Variants in ATG2B observed in about 807,000 individuals in gnomAD.
The protein encoded by ATG2B is autophagy related 2B.
A neutral mutation model predicts 241.3 loss-of-function variants in ATG2B; 121 were observed. The observed-to-expected ratio is 0.50, with a 90% CI of 0.43 to 0.58. ATG2B has a LOEUF of 0.58. Ranked by LOEUF, ATG2B falls within the 20% of genes least tolerant of loss-of-function variation. ATG2B has a pLI of 0.00. For missense variants in ATG2B, 2,306 were observed against 2,491.6 expected, an observed-to-expected ratio of 0.93 and a Z score of 1.59; for synonymous variants, 858 against 876.6, an observed-to-expected ratio of 0.98 and a Z score of 0.37.
chr14:96,314,152 G>T, intron 23 of ATG2B, among the ~76,000 whole-genome samples: 1 of 152,182 alleles, frequency 6.6e-6, no homozygotes, highest in Non-Finnish European at 1.5e-5. Context: ...CAGATAGAAA[G>T]TCAGACAGAT....
intron 1 of ATG2B, among the ~76,000 whole-genome samples, chr14:96,351,669 G>T (rs1254543318): frequency 2.6e-5 from 4 of 151,470 alleles, no homozygotes; most frequent in African/African-American, 9.7e-5. Context: ...CCGGGAGGCG[G>T]AAGTTACCGT....
At chr14:96,343,954 T>C (rs906172284) in intron 4 of ATG2B, among the ~76,000 whole-genome samples, 2 of 152,236 alleles carry the variant, frequency 1.3e-5, no homozygotes, top group African/African-American at 2.4e-5. Flanking sequence ...CCCCAGTAGA[T>C]CCATGTACGA....
intron 36 of ATG2B, among the ~76,000 whole-genome samples, chr14:96,292,439 T>C (rs1255255168): frequency 6.6e-6 from 1 of 152,164 alleles, no homozygotes; most frequent in Non-Finnish European, 1.5e-5. Flanking sequence ...CTTACAAAAA[T>C]TTATTCTTAT....
intron 1 of ATG2B, among the ~76,000 whole-genome samples, chr14:96,349,922 C>T (rs1039802711): frequency 6.6e-6 from 1 of 152,216 alleles, no homozygotes. Context: ...CACTGGGAAG[C>T]CAAGGCGGGA....
chr14:96,320,484 G>A (rs1887430978), intron 18 of ATG2B, among the ~76,000 whole-genome samples: 1 of 150,998 alleles, frequency 6.6e-6, no homozygotes, highest in Non-Finnish European at 1.5e-5. Context: ...TACACTTTAT[G>A]CAAAAAAAAG....
At chr14:96,286,982 G>A (rs1283192144) in intron 41 of ATG2B, among the ~76,000 whole-genome samples, 2 of 152,186 alleles carry the variant, frequency 1.3e-5, no homozygotes, top group African/African-American at 4.8e-5. Context: ...AAGGCCGGGC[G>A]CGGTGGCTCA....
At position 96,295,630 on chromosome 14, in the gene ATG2B, G is replaced by T. The variant is rs1886618200; in HGVS notation, c.5140-70C>A. The stretch of plus-strand genomic sequence containing the variant: ...CCTATTTCTAAAACTATGAAACAAA[G>T]TATCTTAAACTCATATATTTTACTC... On this transcript the variant is annotated intron_variant, in intron 34 of 41. Transcript: ENST00000359933. 5.9e-6 allele frequency: 6 copies of T among 1,018,570 alleles called. No individual in the cohort carries two copies. The East Asian group carries it at 1.3e-4, about 22-fold the overall frequency. The allele number at this position is 1,018,570 out of a possible 1,614,324, so 63.1% of individuals were successfully genotyped here.
chr14:96,337,133 G>C (rs1170395387), intron 6 of ATG2B, among the ~76,000 whole-genome samples: 1 of 152,172 alleles, frequency 6.6e-6, no homozygotes, highest in Non-Finnish European at 1.5e-5. Context: ...CCAAGGCAAA[G>C]ATTGTATCTG....
chr14:96,351,711 G>A (rs1888326314), intron 1 of ATG2B, among the ~76,000 whole-genome samples: 1 of 150,412 alleles, frequency 6.6e-6, no homozygotes, highest in African/African-American at 2.5e-5. Context: ...ACTCCAGCCT[G>A]GGCGGCAGAG....
chr14:96,315,142 C>T lies in ATG2B; in HGVS notation c.3642+12G>A. 6.2e-7 allele frequency: 1 copy of T among 1,607,078 alleles called. No individual in the cohort carries two copies. Among genetic ancestry groups the T allele is most frequent in the Non-Finnish European group, 8.5e-7 (1 of 1,174,160 alleles). ...TTTAAATAAATTAATACATATATAA[C>T]AGCTCTCTTACCTGCTCATGCCAGC... is the stretch of plus-strand genomic sequence containing the variant. On this transcript the variant is annotated intron_variant, in intron 23 of 41. Coordinates refer to ENST00000359933, the MANE Select transcript of ATG2B (RefSeq NM_018036.7).
intron 34 of ATG2B, among the ~76,000 whole-genome samples, chr14:96,301,053 T>G (rs950960822): frequency 5.3e-5 from 8 of 152,238 alleles, no homozygotes; most frequent in Non-Finnish European, 1.0e-4. Context: ...GGTTTTGTTA[T>G]TTCACAGCAG....
At chr14:96,333,597 C>T in intron 8 of ATG2B, 91 bp downstream of exon 8, 13 of 1,215,998 alleles carry the variant, frequency 1.1e-5, no homozygotes, top group South Asian at 3.1e-5. Flanking sequence ...TCTTTCATTC[C>T]TAAACTTCTG....
chr14:96,311,242 T>G lies in ATG2B; in HGVS notation c.4036A>C (p.Ile1346Leu). 1 of 1,614,026 alleles carries G rather than the reference T, an allele frequency of 6.2e-7. No homozygotes were observed. The highest frequency in any genetic ancestry group is 8.5e-7 in the Non-Finnish European group (1 of 1,179,936). ...GCACAAGAGTCTGAGCACGTTCTGA[T>G]ATGGACAACATCGCTGGAACAGTGT... ...ELHCSSDVVHIRTCSDSCAAL... is the reference protein window; with the variant it reads ...ELHCSSDVVHLRTCSDSCAAL... Residue 1346 changes from isoleucine (I) to leucine (L), a missense_variant, in exon 28 of 42, where the codon ATC becomes CTC. Physicochemically the swap from Ile to Leu is conservative, Grantham distance 5. Transcript: ENST00000359933.
Position 96,281,953 on chromosome 14 carries a change from C to T in ATG2B, c.*3802G>A, listed in dbSNP as rs1029625216. On this transcript the variant is annotated 3_prime_UTR_variant, in exon 42 of 42. Transcript: ENST00000359933. ...GGATGCTTTTTGTATCTCTGATATG[C>T]AGGCACTATAATGGGGGGAAATACT... 4 of 152,166 alleles carry T rather than the reference C, an allele frequency of 2.6e-5. No homozygotes were observed. Among genetic ancestry groups the T allele is most frequent in the Non-Finnish European group, 5.9e-5 (4 of 68,032 alleles). The allele number at this position is 152,166 out of a possible 1,614,324, so 9.4% of individuals were successfully genotyped here.
chr14:96,289,647 T>C lies in ATG2B; in HGVS notation c.6006+9A>G, dbSNP rs540748828. 1 of 1,613,956 alleles carries C rather than the reference T, an allele frequency of 6.2e-7. No homozygotes were observed. The highest frequency in any genetic ancestry group is 1.1e-5 in the South Asian group (1 of 91,038). ...GGGTTCTGATGTGTCCACCCAAGTA[T>C]TCAGTTACCTCTTTCACAACACTGT... On this transcript the variant is annotated intron_variant, in intron 41 of 41. Coordinates refer to ENST00000359933, the MANE Select transcript of ATG2B (RefSeq NM_018036.7). This position sits in a 1 kb window ranked among gnomAD's most constrained non-coding sequence, Gnocchi z 4.3.
chr14:96,361,725 G>A (rs1888634733), intron 1 of ATG2B, among the ~76,000 whole-genome samples: 1 of 152,032 alleles, frequency 6.6e-6, no homozygotes, highest in African/African-American at 2.4e-5. Flanking sequence ...CTCTCCAGGG[G>A]TAGGACTCTC....
At chr14:96,362,320 T>G (rs1405929424) in intron 1 of ATG2B, among the ~76,000 whole-genome samples, 1 of 152,136 alleles carries the variant, frequency 6.6e-6, no homozygotes, top group Non-Finnish European at 1.5e-5. Context: ...CTAACTTTCT[T>G]CCAGATGGCA....
Position 96,290,070 on chromosome 14 carries a change from C to A in ATG2B, c.5857-265G>T. 1.7e-6 allele frequency: 2 copies of A among 1,182,042 alleles called. No homozygotes were observed. Among genetic ancestry groups the A allele is most frequent in the Non-Finnish European group, 2.2e-6 (2 of 913,512 alleles). The allele number at this position is 1,182,042 out of a possible 1,614,324, so 73.2% of individuals were successfully genotyped here. On this transcript the variant is annotated intron_variant, in intron 40 of 41. Coordinates refer to ENST00000359933, the MANE Select transcript of ATG2B (RefSeq NM_018036.7). The surrounding 1 kb of genome is among the most constrained non-coding windows in gnomAD (Gnocchi z 4.4). ...TCACTGAGAACACTCAACATTTCCA[C>A]ATCAGTCTATGGAGCTTAATACTTA...
In ATG2B at chr14:96,305,622, A is replaced by G. The variant is rs2289622; in HGVS notation, c.4700T>C (p.Ile1567Thr). 1,569,705 of 1,613,932 alleles carry G rather than the reference A, an allele frequency of 0.97. 765,277 individuals are homozygous for G. Among genetic ancestry groups the G allele is most frequent in the Non-Finnish European group, 0.99 (1,168,789 of 1,179,838 alleles). Residue 1567 changes from isoleucine (I) to threonine (T), a missense_variant, in exon 31 of 42, where the codon ATA becomes ACA. Ile to Thr is a moderately conservative substitution (Grantham distance 89, BLOSUM62 -1). This residue lies in a region of ATG2B where 1,927 missense variants were observed against 2,011.2 expected (regional missense o/e 0.96). Transcript: ENST00000359933. ...TTTAGCCGGAGAAGTGGGAGGGACT[A>G]TTCCAAAATCCTTTCCTCCATAAAG... is the stretch of plus-strand genomic sequence containing the variant. ...WHLYGGKDFG[I>T]VPPTSPAKSY...
Sources: gnomAD v4.1 joint callset for allele counts (sites outside exome capture counted in the v4.1 genomes callset) on GRCh38, gnomAD v4.1.1 for gene constraint, gnomAD v4.1.1 regional missense constraint, Gnocchi (gnomAD v3.1) non-coding constraint, MANE v1.5 for transcripts, NCBI Gene and HGNC (gene_info 2026-07-23, HGNC 2026-07-21) for gene names.